Variants in NYNRIN observed in about 807,000 individuals in gnomAD.
The protein encoded by NYNRIN is protein NYNRIN.
A neutral mutation model predicts 146.6 loss-of-function variants in NYNRIN; 86 were observed. The ratio of observed to expected loss-of-function variants is 0.59; its 90% CI spans 0.49 to 0.70. The LOEUF (loss-of-function observed/expected upper bound fraction) is 0.70. Among genes scored for constraint, NYNRIN ranks in the 30% least tolerant of loss-of-function variants. NYNRIN has a pLI of 0.00. For synonymous variants in NYNRIN, 1,027 were observed against 1,001.3 expected (o/e 1.03, Z -0.48); for missense variants, 2,191 against 2,377.7 (o/e 0.92, Z 1.63).
chr14:24,404,518 T>C (rs556380615), intron 2 of NYNRIN, among the ~76,000 whole-genome samples: 3 of 152,340 alleles, frequency 2.0e-5, no homozygotes, highest in East Asian at 3.9e-4. Flanking sequence ...TTTTTTGTTT[T>C]CCTGTATGGT....
At chr14:24,413,743 A>C (rs755477882) in intron 8 of NYNRIN, among the ~76,000 whole-genome samples, 2 of 152,200 alleles carry the variant, frequency 1.3e-5, no homozygotes, top group East Asian at 3.8e-4. Flanking sequence ...ATAGTGTTCC[A>C]TTACATGAGT....
chr14:24,409,659 CA>C lies in NYNRIN; in HGVS notation c.1870del (p.Thr624LeufsTer9). The C allele has an allele frequency of 6.2e-7, 1 of 1,607,052 alleles. No homozygotes were observed. The highest frequency in any genetic ancestry group is 1.7e-5 in the Admixed American group (1 of 59,000). On this transcript the variant is annotated frameshift_variant, in exon 4 of 9. Transcript: ENST00000382554. LOFTEE classifies it high-confidence loss of function. ...VLVAQVEPTT[P>X]KTPQAQKMPV... The stretch of plus-strand genomic sequence containing the variant: ...GTAGCTCAAGTGGAACCCACAACTC[CA>C]AAAACTCCCCAGGCTCAGAAGATGC...
At chr14:24,405,980 G>A (rs2042872993) in intron 2 of NYNRIN, among the ~76,000 whole-genome samples, 1 of 151,794 alleles carries the variant, frequency 6.6e-6, no homozygotes, top group African/African-American at 2.4e-5. Flanking sequence ...TGACCAACAC[G>A]GCAAAACCCC....
rs74036631 is a variant in NYNRIN, at chr14:24,417,845, G to C, written c.*399G>C. 2.9e-3 allele frequency: 585 copies of C among 200,478 alleles called. 2 individuals carry two copies. The highest frequency in any genetic ancestry group is 0.013 in the African/African-American group (539 of 42,370). 12.4% of individuals were successfully genotyped at this position (200,478 alleles called of 1,614,324 possible). On this transcript the variant is annotated 3_prime_UTR_variant, in exon 9 of 9. Transcript: ENST00000382554. ...CATGAAACTGTGGCTGTTGACCTTGGAATTGGAACCACAGTCCTTTCCCAT... is the reference window on the plus strand; with the variant it reads ...CATGAAACTGTGGCTGTTGACCTTGCAATTGGAACCACAGTCCTTTCCCAT...
At chr14:24,405,699 G>A (rs532977938) in intron 2 of NYNRIN, among the ~76,000 whole-genome samples, 1 of 152,220 alleles carries the variant, frequency 6.6e-6, no homozygotes, top group African/African-American at 2.4e-5. Context: ...TTGGACATAT[G>A]GCCTTCCTTG....
At chr14:24,402,443 G>A (rs1204712317) in intron 2 of NYNRIN, among the ~76,000 whole-genome samples, 1 of 152,130 alleles carries the variant, frequency 6.6e-6, no homozygotes, top group Non-Finnish European at 1.5e-5. Flanking sequence ...AGTGGTGGTG[G>A]GCAAGAGTAC....
intron 2 of NYNRIN, among the ~76,000 whole-genome samples, chr14:24,405,808 T>C (rs1022549261): frequency 6.6e-6 from 1 of 152,242 alleles, no homozygotes; most frequent in African/African-American, 2.4e-5. Context: ...AAGCTCTCAC[T>C]AAATATTAGT....
intron 2 of NYNRIN, among the ~76,000 whole-genome samples, chr14:24,406,543 A>T (rs1230856575): frequency 6.6e-6 from 1 of 152,164 alleles, no homozygotes; most frequent in African/African-American, 2.4e-5. Context: ...GGGGTTAGAC[A>T]TGTATTTCAG....
rs1594742657 is a variant in NYNRIN at position 24,414,816 on chromosome 14, C to T, written c.3067C>T (p.Leu1023=). 1 of 1,613,628 alleles carries T rather than the reference C, an allele frequency of 6.2e-7. No individual in the cohort carries two copies. The change falls in exon 9 of 9, where the codon CTG becomes TTG. Residue 1023 remains leucine (L), a synonymous_variant. Transcript: ENST00000382554. ...TGAGGAGGACGACCTTGACTCTTCG[C>T]TGGCGTCAGTGTTCAGGGTGGAGTG... ...AAEEDDLDSS[L]ASVFRVECPS...
In NYNRIN at chr14:24,414,812, T is replaced by C. The variant is rs756895584; in HGVS notation, c.3063T>C (p.Ser1021=). 1.2e-6 allele frequency: 2 copies of C among 1,613,648 alleles called. No homozygotes were observed. Among genetic ancestry groups the C allele is most frequent in the Non-Finnish European group, 1.7e-6 (2 of 1,179,718 alleles). ...CGGCTGAGGAGGACGACCTTGACTC[T>C]TCGCTGGCGTCAGTGTTCAGGGTGG... is the stretch of plus-strand genomic sequence containing the variant. ...QKAAEEDDLD[S]SLASVFRVEC... The change falls in exon 9 of 9, where the codon TCT becomes TCC. Residue 1021 remains serine (S), a synonymous_variant. Transcript: ENST00000382554.
At chr14:24,408,557 C>G (rs1332365872) in intron 3 of NYNRIN, 30 bp downstream of exon 3, 2 of 1,544,602 alleles carry the variant, frequency 1.3e-6, no homozygotes, top group Admixed American at 2.0e-5. Flanking sequence ...CCTGGCTTCT[C>G]TGATCCTACC....
rs201838583 is a variant in NYNRIN at position 24,418,995 on chromosome 14, C to A, written c.*1549C>A. ...CTCTTCATCTCCCTGATCTTCCAGA[C>A]AAACTACCTGGATGTTGCCCTTAAA... is the stretch of plus-strand genomic sequence containing the variant. On this transcript the variant is annotated 3_prime_UTR_variant, in exon 9 of 9. Transcript: ENST00000382554. The A allele has an allele frequency of 6.6e-6, 1 of 152,246 alleles. No individual in the cohort carries two copies. Among genetic ancestry groups the A allele is most frequent in the East Asian group, 1.9e-4 (1 of 5,200 alleles). The allele number at this position is 152,246 out of a possible 1,614,324, so 9.4% of individuals were successfully genotyped here.
intron 2 of NYNRIN, among the ~76,000 whole-genome samples, chr14:24,403,319 A>T (rs191210015): frequency 6.6e-6 from 1 of 152,284 alleles, no homozygotes; most frequent in African/African-American, 2.4e-5. Context: ...GTTTTCTACA[A>T]GGTCAGTCTA....
chr14:24,408,616 C>G, intron 3 of NYNRIN, 36 bp from the exon 4 acceptor site: 1 of 1,555,092 alleles, frequency 6.4e-7, no homozygotes, highest in Non-Finnish European at 8.7e-7. Context: ...ACCAAACTGG[C>G]CTTCCACCTT....
chr14:24,409,520 A>G lies in NYNRIN; in HGVS notation c.1726A>G (p.Met576Val), dbSNP rs1217821801. The change falls in exon 4 of 9, where the codon ATG becomes GTG. Residue 576 changes from methionine to valine, a missense_variant. Met to Val is a conservative substitution (Grantham distance 21). Coordinates refer to ENST00000382554, the MANE Select transcript of NYNRIN (RefSeq NM_025081.3). ...TCCCAAACTGCCTACATCTCGAATG[A>G]TGCTGGCAGTGCACACAGAGCCTGC... ...AAPKLPTSRM[M>V]LAVHTEPAAP... The G allele has an allele frequency of 1.2e-6, 2 of 1,613,134 alleles. No individual in the cohort carries two copies. Among genetic ancestry groups the G allele is most frequent in the South Asian group, 2.2e-5 (2 of 90,936 alleles).
At chr14:24,414,372 G>A (rs2042930547) in intron 8 of NYNRIN, among the ~76,000 whole-genome samples, 1 of 152,246 alleles carries the variant, frequency 6.6e-6, no homozygotes, top group Non-Finnish European at 1.5e-5. Flanking sequence ...GATTGGATGA[G>A]TCTTCAAGGC....
At chr14:24,403,048 G>C (rs1018737522) in intron 2 of NYNRIN, among the ~76,000 whole-genome samples, 1 of 152,196 alleles carries the variant, frequency 6.6e-6, no homozygotes, top group African/African-American at 2.4e-5. Flanking sequence ...CGTATGTGAG[G>C]ATTGAGCTCC....
Position 24,409,730 on chromosome 14 carries a change from C to G in NYNRIN, c.1936C>G (p.Gln646Glu). 6.2e-7 allele frequency: 1 copy of G among 1,606,350 alleles called. No individual in the cohort carries two copies. Reference protein sequence around the residue: ...SPAGPKTPKAQAGPAATVSKA... With the variant: ...SPAGPKTPKAEAGPAATVSKA... ...TGCAGGTCCCAAAACACCCAAAGCT[C>G]AAGCCGGGCCTGCAGCTACAGTTTC... is the stretch of plus-strand genomic sequence containing the variant. The change falls in exon 4 of 9, where the codon CAA (glutamine) becomes GAA (glutamate). Residue 646 changes from glutamine (Q) to glutamate (E), a missense_variant. Gln to Glu is a conservative substitution (Grantham distance 29). Coordinates refer to ENST00000382554, the MANE Select transcript of NYNRIN (RefSeq NM_025081.3).
rs1334975035 is a variant in NYNRIN at position 24,418,008 on chromosome 14, C to G, written c.*562C>G. 2.8e-5 allele frequency: 8 copies of G among 288,012 alleles called. No individual in the cohort carries two copies. The highest frequency in any genetic ancestry group is 1.9e-4 in the African/African-American group (8 of 43,166). The allele number at this position is 288,012 out of a possible 1,614,324, so 17.8% of individuals were successfully genotyped here. On this transcript the variant is annotated 3_prime_UTR_variant, in exon 9 of 9. Coordinates refer to ENST00000382554, the MANE Select transcript of NYNRIN (RefSeq NM_025081.3). The stretch of plus-strand genomic sequence containing the variant: ...CTCCTAGCCTCACGGTCAGCTTTCT[C>G]AAGCCAGGTGTGGCCTGCACAGCTC...
Sources: gnomAD v4.1 joint callset for allele counts (sites outside exome capture counted in the v4.1 genomes callset) on GRCh38, gnomAD v4.1.1 for gene constraint, MANE v1.5 for transcripts, NCBI Gene and HGNC (gene_info 2026-07-23, HGNC 2026-07-21) for gene names.